DTWD2: variants seen among roughly 807,000 people sequenced by gnomAD.
DTWD2 encodes the protein tRNA-uridine aminocarboxypropyltransferase 2.
In DTWD2, 39 loss-of-function variants were observed where a neutral mutation model predicts 31.8. The ratio of observed to expected loss-of-function variants is 1.22; its 90% CI spans 0.95 to 1.60. The LOEUF is 1.60. DTWD2 is among the 40% of genes most tolerant of loss of function. DTWD2 has a pLI of 0.00. For synonymous variants in DTWD2, 180 were observed against 142.8 expected (o/e 1.26, Z -1.86); for missense variants, 515 against 381.5 (o/e 1.35, Z -2.92).
In DTWD2 at chr5:118,959,889, T is replaced by C. The variant is rs371413158; in HGVS notation, c.219-15240A>G. Among the ~76,000 whole-genome samples the C allele has an allele frequency of 4.4e-4, 67 of 152,222 alleles. 2 individuals are homozygous for C. Among genetic ancestry groups the C allele is most frequent in the East Asian group, 2.9e-3 (15 of 5,190 alleles). On this transcript the variant is annotated intron_variant, in intron 1 of 5. Transcript: ENST00000510708. ...AATGGTGCTGGGATAAGTAGCTAGC[T>C]GTATGCAGAAGACTGAAACTAGACC...
chr5:118,894,738 T>C (rs542765965), intron 4 of DTWD2, among the ~76,000 whole-genome samples: 2 of 152,276 alleles, frequency 1.3e-5, no homozygotes, highest in South Asian at 4.1e-4. Context: ...ATAAACATAA[T>C]ACATCACATT....
intron 5 of DTWD2, among the ~76,000 whole-genome samples, chr5:118,843,972 G>GT (rs1751786857): frequency 6.6e-6 from 1 of 152,220 alleles, no homozygotes; most frequent in Admixed American, 6.5e-5. Context: ...ATTAAAAGTG[G>GT]TATAGGATAC....
intron 4 of DTWD2, among the ~76,000 whole-genome samples, chr5:118,884,601 AT>A (rs1442410128): frequency 9.2e-5 from 14 of 152,208 alleles, no homozygotes; most frequent in Non-Finnish European, 1.9e-4. Context: ...GCCAATTAAA[AT>A]TTTTTTAATC....
At chr5:118,941,394 T>A (rs576075619) in intron 2 of DTWD2, among the ~76,000 whole-genome samples, 94 of 152,310 alleles carry the variant, frequency 6.2e-4, no homozygotes, top group African/African-American at 2.2e-3. Flanking sequence ...TTCTCATTGT[T>A]CAATTCCCAC....
intron 4 of DTWD2, among the ~76,000 whole-genome samples, chr5:118,895,695 A>C (rs1371092438): frequency 6.6e-6 from 1 of 152,192 alleles, no homozygotes; most frequent in Admixed American, 6.5e-5. Flanking sequence ...CAGTACCCAG[A>C]AATAAGTCCA....
At chr5:118,894,035 T>G (rs1212609324) in intron 4 of DTWD2, among the ~76,000 whole-genome samples, 2 of 147,662 alleles carry the variant, frequency 1.4e-5, no homozygotes, top group African/African-American at 2.5e-5. Flanking sequence ...AGGGAGACTC[T>G]GTCTCAAAAA....
chr5:118,981,997 G>T (rs914593037), intron 1 of DTWD2, among the ~76,000 whole-genome samples: 2 of 152,122 alleles, frequency 1.3e-5, no homozygotes, highest in African/African-American at 4.8e-5. Context: ...ATAAAAATAT[G>T]AAAGCTAAAG....
chr5:118,887,833 G>C (rs1166759291), intron 4 of DTWD2, among the ~76,000 whole-genome samples: 3 of 152,126 alleles, frequency 2.0e-5, no homozygotes, highest in Non-Finnish European at 4.4e-5. Context: ...AAGAGACGAG[G>C]TCTCTCTATG....
At chr5:118,954,567 G>A (rs1029173961) in intron 1 of DTWD2, among the ~76,000 whole-genome samples, 2 of 152,144 alleles carry the variant, frequency 1.3e-5, no homozygotes, top group Non-Finnish European at 2.9e-5. Context: ...AGGCTGGAGT[G>A]CAGTGGCATG....
At chr5:118,982,443 C>G (rs1755322607) in intron 1 of DTWD2, among the ~76,000 whole-genome samples, 1 of 152,106 alleles carries the variant, frequency 6.6e-6, no homozygotes, top group Admixed American at 6.5e-5. Context: ...TAACTTTGGA[C>G]ATACAATTAG....
intron 4 of DTWD2, among the ~76,000 whole-genome samples, chr5:118,880,600 T>C (rs1752719822): frequency 6.6e-6 from 1 of 152,180 alleles, no homozygotes; most frequent in South Asian, 2.1e-4. Context: ...GGAAAATATA[T>C]ACTAAAATGC....
chr5:118,922,687 A>G (rs1480862146), intron 4 of DTWD2, among the ~76,000 whole-genome samples: 1 of 152,204 alleles, frequency 6.6e-6, no homozygotes, highest in South Asian at 2.1e-4. Flanking sequence ...GCAAAAGACT[A>G]TATTTACAAA....
At chr5:118,945,275 T>C (rs1754305561) in intron 1 of DTWD2, among the ~76,000 whole-genome samples, 1 of 152,176 alleles carries the variant, frequency 6.6e-6, no homozygotes, top group East Asian at 1.9e-4. Context: ...TTACTACTGT[T>C]TAGGTAACTC....
intron 1 of DTWD2, among the ~76,000 whole-genome samples, chr5:118,979,952 T>G (rs910721976): frequency 6.6e-6 from 1 of 152,206 alleles, no homozygotes; most frequent in Admixed American, 6.5e-5. Flanking sequence ...TGGCACATGT[T>G]ACCTATGTAA....
intron 1 of DTWD2, among the ~76,000 whole-genome samples, chr5:118,981,890 C>G (rs190870992): frequency 3.3e-5 from 5 of 152,232 alleles, no homozygotes; most frequent in Non-Finnish European, 1.5e-5. Flanking sequence ...AGAGAAACAC[C>G]TCATGTAAAT....
At chr5:118,846,680 C>T (rs1317620571) in intron 5 of DTWD2, among the ~76,000 whole-genome samples, 1 of 151,860 alleles carries the variant, frequency 6.6e-6, no homozygotes, top group Admixed American at 6.6e-5. Flanking sequence ...TATATATTTG[C>T]TTAAGAATAT....
At position 118,840,655 on chromosome 5, in the gene DTWD2, T is replaced by C. The variant is rs1386913516; in HGVS notation, c.*262A>G. On this transcript the variant is annotated 3_prime_UTR_variant, in exon 6 of 6. Transcript: ENST00000510708. Reference sequence around the variant, plus strand: ...TAACCTATCACAACAACAAATCATATTTTAAATTTGGGTTTGAAAACATGT... The same window carrying C: ...TAACCTATCACAACAACAAATCATACTTTAAATTTGGGTTTGAAAACATGT... The C allele has an allele frequency of 8.0e-6, 2 of 251,002 alleles. No homozygotes were observed. The highest frequency in any genetic ancestry group is 1.5e-5 in the Non-Finnish European group (2 of 133,598). 15.5% of individuals were successfully genotyped at this position (251,002 alleles called of 1,614,324 possible).
At chr5:118,979,150 A>C (rs1343003527) in intron 1 of DTWD2, among the ~76,000 whole-genome samples, 1 of 151,962 alleles carries the variant, frequency 6.6e-6, no homozygotes, top group Admixed American at 6.6e-5. Flanking sequence ...TAAAAATACA[A>C]AAAATTAGCC....
intron 1 of DTWD2, among the ~76,000 whole-genome samples, chr5:118,965,464 C>T (rs1296178596): frequency 7.8e-6 from 1 of 128,694 alleles, no homozygotes; most frequent in Non-Finnish European, 1.7e-5. Context: ...GATGATGATG[C>T]GGTTTTGTCG....
Sources: gnomAD v4.1 joint callset for allele counts (sites outside exome capture counted in the v4.1 genomes callset) on GRCh38, gnomAD v4.1.1 for gene constraint, MANE v1.5 for transcripts, NCBI Gene and HGNC (gene_info 2026-07-23, HGNC 2026-07-21) for gene names.